The following STPG2 variants were observed in gnomAD, a reference collection of about 807,000 sequenced individuals.
STPG2 encodes the protein sperm tail PG-rich repeat containing 2, also known as sperm-tail PG-rich repeat-containing protein 2.
A neutral mutation model predicts 54.2 loss-of-function variants in STPG2; 56 were observed. That is an observed-to-expected ratio of 1.03 (90% CI 0.83 to 1.29). STPG2 has a LOEUF of 1.29. STPG2 is among the 50% of genes most tolerant of loss of function. The pLI is 0.00. For synonymous variants in STPG2, 200 were observed against 181.8 expected (o/e 1.10, Z -0.81); for missense variants, 596 against 544.9 (o/e 1.09, Z -0.93).
intron 9 of STPG2, among the ~76,000 whole-genome samples, chr4:97,796,101 C>T (rs1727166361): frequency 6.6e-6 from 1 of 152,044 alleles, no homozygotes; most frequent in Non-Finnish European, 1.5e-5. Flanking sequence ...TGGATATTAG[C>T]CCTTTGTCAG....
intron 5 of STPG2, among the ~76,000 whole-genome samples, chr4:98,047,195 A>G (rs1737155996): frequency 6.6e-6 from 1 of 152,184 alleles, no homozygotes; most frequent in South Asian, 2.1e-4. Context: ...ATTCAGCCCC[A>G]GAGCTAGGTG....
chr4:97,587,394 T>C (rs1474999432), intron 10 of STPG2, among the ~76,000 whole-genome samples: 2 of 152,006 alleles, frequency 1.3e-5, no homozygotes, highest in African/African-American at 4.8e-5. Context: ...TAACATTCAA[T>C]AATATTCCAT....
chr4:97,624,691 T>C (rs1339110387), intron 10 of STPG2, among the ~76,000 whole-genome samples: 1 of 152,206 alleles, frequency 6.6e-6, no homozygotes, highest in Non-Finnish European at 1.5e-5. Flanking sequence ...CTGAAATCTT[T>C]GCACGTGCCA....
intron 9 of STPG2, among the ~76,000 whole-genome samples, chr4:97,770,246 A>G (rs1349221866): frequency 6.6e-6 from 1 of 152,110 alleles, no homozygotes; most frequent in South Asian, 2.1e-4. Flanking sequence ...TGAAAAAAGT[A>G]CCACAGATAA....
At chr4:98,054,301 T>G (rs927549819) in intron 5 of STPG2, among the ~76,000 whole-genome samples, 4 of 152,168 alleles carry the variant, frequency 2.6e-5, no homozygotes, top group African/African-American at 9.7e-5. Context: ...ATATAAAGTT[T>G]AATTTTGCAA....
chr4:98,107,222 G>C (rs541812322), intron 4 of STPG2, among the ~76,000 whole-genome samples: 5 of 152,134 alleles, frequency 3.3e-5, no homozygotes, highest in African/African-American at 9.6e-5. Flanking sequence ...CTTTCATTTA[G>C]AGTAACCAAA....
chr4:97,892,583 C>A (rs891296819), intron 8 of STPG2, among the ~76,000 whole-genome samples: 8 of 152,158 alleles, frequency 5.3e-5, no homozygotes, highest in Non-Finnish European at 8.8e-5. Context: ...GTCCCACATG[C>A]ACAGCTAAGC....
intron 10 of STPG2, among the ~76,000 whole-genome samples, chr4:97,664,099 T>C (rs1722453008): frequency 6.6e-6 from 1 of 152,200 alleles, no homozygotes; most frequent in South Asian, 2.1e-4. Context: ...GATTCTTAGA[T>C]ATGTATAACT....
At chr4:97,792,934 A>G (rs1727047967) in intron 9 of STPG2, among the ~76,000 whole-genome samples, 2 of 151,994 alleles carry the variant, frequency 1.3e-5, no homozygotes, top group African/African-American at 4.8e-5. Context: ...GGCAGATTGC[A>G]TGAGGTCAGG....
intron 5 of STPG2, chr4:98,025,406 A>G: frequency 5.3e-6 from 2 of 375,846 alleles, no homozygotes; most frequent in Non-Finnish European, 1.0e-5. Flanking sequence ...TAAAGTTGTT[A>G]AGAATAAGGC....
intron 10 of STPG2, among the ~76,000 whole-genome samples, chr4:97,620,557 C>G (rs1449697139): frequency 6.6e-6 from 1 of 152,092 alleles, no homozygotes; most frequent in African/African-American, 2.4e-5. Flanking sequence ...AAGGGCAACA[C>G]ATATCGGTAA....
chr4:97,499,665 G>C (rs1270202302), intron 4 of STPG2, among the ~76,000 whole-genome samples: 1 of 151,946 alleles, frequency 6.6e-6, no homozygotes, highest in Non-Finnish European at 1.5e-5. Context: ...TGAGGGGAAA[G>C]GGGTTCCAAT....
intron 8 of STPG2, among the ~76,000 whole-genome samples, chr4:97,888,341 C>A (rs890497246): frequency 6.6e-6 from 1 of 152,180 alleles, no homozygotes; most frequent in African/African-American, 2.4e-5. Context: ...GCCATGGGGG[C>A]TGAGCCCTTC....
intron 10 of STPG2, among the ~76,000 whole-genome samples, chr4:97,635,337 G>A (rs1029507510): frequency 4.6e-5 from 7 of 152,214 alleles, no homozygotes; most frequent in East Asian, 1.9e-4. Context: ...GCTCCTGAAG[G>A]AAGCGCTAAA....
chr4:97,672,585 G>A lies in STPG2; in HGVS notation c.1320+40114C>T, dbSNP rs2148970476. Among the ~76,000 whole-genome samples, 3 of 152,212 alleles carry A rather than the reference G, an allele frequency of 2.0e-5. No homozygotes were observed. In the Middle Eastern group the frequency reaches 0.01, roughly 518 times the overall value. On this transcript the variant is annotated intron_variant, in intron 10 of 10. Coordinates refer to ENST00000295268, the MANE Select transcript of STPG2 (RefSeq NM_174952.3). ...TAACAAAAACCTTCCAATACAGTAA[G>A]GAGAGTTATGTGGGTATATATCCAC...
intron 4 of STPG2, among the ~76,000 whole-genome samples, chr4:97,549,791 G>A (rs1465918419): frequency 6.6e-6 from 1 of 152,108 alleles, no homozygotes; most frequent in Non-Finnish European, 1.5e-5. Flanking sequence ...AAAAGACAGA[G>A]CTCCTCTAGA....
chr4:98,133,384 TCA>T (rs1265400853), intron 2 of STPG2, among the ~76,000 whole-genome samples: 5 of 152,016 alleles, frequency 3.3e-5, no homozygotes, highest in Non-Finnish European at 7.4e-5. Flanking sequence ...GTCCAGTTGT[TCA>T]CAGTCACCGT....
Position 97,708,003 on chromosome 4 carries a change from G to T in STPG2, c.1320+4696C>A, listed in dbSNP as rs189710885. On this transcript the variant is annotated intron_variant, in intron 10 of 10. Transcript: ENST00000295268. ...AACCATTACTATACAGCAAATGAGTGGTTATGTTGAAATTCAAATACAAGT... is the reference window on the plus strand; with the variant it reads ...AACCATTACTATACAGCAAATGAGTTGTTATGTTGAAATTCAAATACAAGT... Among the ~76,000 whole-genome samples, 22 of 152,128 alleles carry T rather than the reference G, an allele frequency of 1.4e-4. No individual in the cohort carries two copies. In the South Asian group the frequency reaches 2.1e-3, roughly 14 times the overall value.
chr4:97,545,526 A>T (rs1731816605), intron 4 of STPG2, among the ~76,000 whole-genome samples: 2 of 152,136 alleles, frequency 1.3e-5, no homozygotes, highest in Non-Finnish European at 1.5e-5. Flanking sequence ...GCCATTAAAA[A>T]TAAGTTAAGT....
Sources: gnomAD v4.1 joint callset for allele counts (sites outside exome capture counted in the v4.1 genomes callset) on GRCh38, gnomAD v4.1.1 for gene constraint, MANE v1.5 for transcripts, NCBI Gene and HGNC (gene_info 2026-07-23, HGNC 2026-07-21) for gene names.